The following HCN1 variants were observed in gnomAD, a reference collection of about 807,000 sequenced individuals.
HCN1 encodes the protein potassium/sodium hyperpolarization-activated cyclic nucleotide-gated channel 1.
Under a neutral mutation model 78.9 loss-of-function variants are expected in HCN1, and 13 were observed. The ratio of observed to expected loss-of-function variants is 0.16; its 90% CI spans 0.11 to 0.26. The LOEUF (loss-of-function observed/expected upper bound fraction) is 0.26, where lower values mean the gene tolerates loss of function less well. Among genes scored for constraint, HCN1 ranks in the 10% least tolerant of loss-of-function variants. The pLI is 1.00. For synonymous variants in HCN1, 552 were observed against 455.5 expected, an observed-to-expected ratio of 1.21 and a Z score of -2.70; for missense variants, 810 against 1,154.3, an observed-to-expected ratio of 0.70 and a Z score of 4.32.
intron 2 of HCN1, among the ~76,000 whole-genome samples, chr5:45,570,945 A>T (rs1257458260): frequency 1.3e-5 from 2 of 152,168 alleles, no homozygotes; most frequent in Non-Finnish European, 2.9e-5. Context: ...CATACTATTA[A>T]AATAAATACT....
chr5:45,466,859 T>C (rs1741280425), intron 2 of HCN1, among the ~76,000 whole-genome samples: 1 of 152,110 alleles, frequency 6.6e-6, no homozygotes, highest in Non-Finnish European at 1.5e-5. Context: ...CTTTTAACAC[T>C]GACCAATGAC....
chr5:45,359,742 C>G lies in HCN1; in HGVS notation c.1231-6496G>C, dbSNP rs144806612. ...ACAGCATCAGATGAAAGGCATAGAC[C>G]TTCATCTGCCAAAATAAACATGCAT... On this transcript the variant is annotated intron_variant, in intron 4 of 7. Transcript: ENST00000303230. Among the ~76,000 whole-genome samples, 309 of 151,718 alleles carry G rather than the reference C, an allele frequency of 2.0e-3. 1 individual carries two copies. Among genetic ancestry groups the G allele is most frequent in the East Asian group, 0.02 (102 of 5,146 alleles).
At chr5:45,449,891 G>A (rs955451609) in intron 3 of HCN1, among the ~76,000 whole-genome samples, 1 of 152,114 alleles carries the variant, frequency 6.6e-6, no homozygotes, top group Non-Finnish European at 1.5e-5. Flanking sequence ...AGGCTGGAGT[G>A]CGGTGATCTC....
intron 4 of HCN1, among the ~76,000 whole-genome samples, chr5:45,368,909 A>G (rs1747293609): frequency 1.3e-5 from 2 of 152,040 alleles, no homozygotes; most frequent in African/African-American, 4.8e-5. Context: ...CATTTTCGTG[A>G]GAAATCATCA....
chr5:45,348,492 A>G (rs1746800708), intron 5 of HCN1, among the ~76,000 whole-genome samples: 1 of 152,232 alleles, frequency 6.6e-6, no homozygotes, highest in African/African-American at 2.4e-5. Flanking sequence ...CATCATAATG[A>G]CAGGATCAAA....
intron 2 of HCN1, among the ~76,000 whole-genome samples, chr5:45,534,924 A>C (rs1036810941): frequency 1.1e-4 from 17 of 152,326 alleles, no homozygotes; most frequent in African/African-American, 3.8e-4. Context: ...AAGAATAACA[A>C]CATACTTTAA....
Position 45,695,052 on chromosome 5 carries a change from C to T in HCN1, c.425+617G>A, listed in dbSNP as rs1347963298. 3 of 152,496 alleles carry T rather than the reference C, an allele frequency of 2.0e-5. 1 individual carries two copies. The highest frequency in any genetic ancestry group is 7.2e-5 in the African/African-American group (3 of 41,570). The allele number at this position is 152,496 out of a possible 1,614,324, so 9.4% of individuals were successfully genotyped here. ...CTGGAAGCGCCTGGCTTTGGTGAGACCTCACGTCAGGGACTATCCAAGTGC... is the reference window on the plus strand; with the variant it reads ...CTGGAAGCGCCTGGCTTTGGTGAGATCTCACGTCAGGGACTATCCAAGTGC... On this transcript the variant is annotated intron_variant, in intron 1 of 7. Transcript: ENST00000303230.
intron 4 of HCN1, among the ~76,000 whole-genome samples, chr5:45,371,582 C>A (rs1215328971): frequency 6.6e-6 from 1 of 151,280 alleles, no homozygotes. Context: ...CACAGTGAAA[C>A]CCTGTCTCTA....
At chr5:45,378,869 G>A (rs1396479426) in intron 4 of HCN1, among the ~76,000 whole-genome samples, 3 of 152,110 alleles carry the variant, frequency 2.0e-5, no homozygotes, top group East Asian at 3.9e-4. Context: ...GAGAACATGC[G>A]GTGTTTGTTT....
chr5:45,303,234 C>T (rs747573753), intron 6 of HCN1, among the ~76,000 whole-genome samples: 1 of 151,962 alleles, frequency 6.6e-6, no homozygotes, highest in African/African-American at 2.4e-5. Context: ...TTATATGGGC[C>T]GTATCAAAAC....
At chr5:45,423,815 A>G (rs1740279749) in intron 3 of HCN1, among the ~76,000 whole-genome samples, 1 of 151,300 alleles carries the variant, frequency 6.6e-6, no homozygotes, top group Non-Finnish European at 1.5e-5. Context: ...ATCTTCAACT[A>G]CTCTCTTGAA....
chr5:45,646,531 C>T (rs1483989407), intron 1 of HCN1, among the ~76,000 whole-genome samples: 1 of 151,140 alleles, frequency 6.6e-6, no homozygotes, highest in African/African-American at 2.4e-5. Context: ...GCCACCATGC[C>T]CAGCTAAAAA....
rs1744649574 is a variant in HCN1, at chr5:45,257,791, A to G, written c.*4130T>C. ...CCTATTTTTCCTTGAAAATAACCAT[A>G]TTGAATACAGTTATAGAACTGTATT... On this transcript the variant is annotated 3_prime_UTR_variant, in exon 8 of 8. Coordinates refer to ENST00000303230, the MANE Select transcript of HCN1 (RefSeq NM_021072.4). The G allele has an allele frequency of 6.6e-6, 1 of 152,186 alleles. No homozygotes were observed. 9.4% of individuals were successfully genotyped at this position (152,186 alleles called of 1,614,324 possible).
chr5:45,636,712 G>C (rs1355490542), intron 2 of HCN1, among the ~76,000 whole-genome samples: 1 of 152,028 alleles, frequency 6.6e-6, no homozygotes, highest in East Asian at 1.9e-4. Context: ...AATTAGCCAG[G>C]AGTGGTGGCA....
chr5:45,303,585 T>C lies in HCN1; in HGVS notation c.1618+14A>G, dbSNP rs761070627. On this transcript the variant is annotated intron_variant, in intron 6 of 7. Transcript: ENST00000303230. ...CAGTTTAGATTTCATCTTAGTTGCA[T>C]CTTTTTTACTAACCTCCAAAGTAAG... 3 of 1,612,964 alleles carry C rather than the reference T, an allele frequency of 1.9e-6. No individual in the cohort carries two copies. The East Asian group carries it at 6.7e-5, about 36-fold the overall frequency.
chr5:45,374,283 ATATACATTATATATATTG>A (rs1561130512), intron 4 of HCN1, among the ~76,000 whole-genome samples: 2 of 103,728 alleles, frequency 1.9e-5, no homozygotes, highest in African/African-American at 5.3e-5. Context: ...TATATACATT[ATATACATTATATATATTG>A]TATACATTAT....
chr5:45,597,116 A>C (rs893604418), intron 2 of HCN1, among the ~76,000 whole-genome samples: 1 of 152,178 alleles, frequency 6.6e-6, no homozygotes, highest in Admixed American at 6.5e-5. Context: ...ACAACAAAAA[A>C]AGAGAATTTT....
In HCN1 at chr5:45,275,732, G is replaced by A. The variant is rs528587754; in HGVS notation, c.1619-8479C>T. 1.0e-3 allele frequency among the ~76,000 whole-genome samples: 159 copies of A among 152,224 alleles called. No individual in the cohort carries two copies. The Middle Eastern group carries it at 0.014, about 13-fold the overall frequency. ...GTAGGAAACAATCTCAGGTAGCCGC[G>A]TGTTAGCCCATGTGACATAAACAGA... On this transcript the variant is annotated intron_variant, in intron 6 of 7. Transcript: ENST00000303230.
rs955607063 is a variant in HCN1 at position 45,625,299 on chromosome 5, T to C, written c.849+19886A>G. ...GCCTGGGTGACAGAGCAAGACTCTG[T>C]CTCAAAACAAAACAAAACAAAACAA... On this transcript the variant is annotated intron_variant, in intron 2 of 7. Coordinates refer to ENST00000303230, the MANE Select transcript of HCN1 (RefSeq NM_021072.4). Among the ~76,000 whole-genome samples, 11 of 145,872 alleles carry C rather than the reference T, an allele frequency of 7.5e-5. No individual in the cohort carries two copies. The East Asian group carries it at 2.3e-3, about 31-fold the overall frequency.
Sources: gnomAD v4.1 joint callset for allele counts (sites outside exome capture counted in the v4.1 genomes callset) on GRCh38, gnomAD v4.1.1 for gene constraint, MANE v1.5 for transcripts, NCBI Gene and HGNC (gene_info 2026-07-23, HGNC 2026-07-21) for gene names.